NHSL1: variants seen among roughly 807,000 people sequenced by gnomAD.
NHSL1 encodes NHS-like protein 1.
In NHSL1, 48 loss-of-function variants were observed where a neutral mutation model predicts 95.0. The ratio of observed to expected loss-of-function variants is 0.51; its 90% CI spans 0.40 to 0.64. The LOEUF is 0.64. NHSL1 is among the 30% of genes least tolerant of loss of function. The probability of loss-of-function intolerance (pLI) is 0.00; values close to 1 mark genes in which losing one functional copy is unlikely to be tolerated. For missense variants in NHSL1, 1,971 were observed against 2,077.7 expected (o/e 0.95, Z 1.00); for synonymous variants, 783 against 833.9 (o/e 0.94, Z 1.05).
intron 2 of NHSL1, among the ~76,000 whole-genome samples, chr6:138,486,751 T>C (rs1268273386): frequency 6.6e-6 from 1 of 152,240 alleles, no homozygotes. Flanking sequence ...TCCCAGTCAC[T>C]GGACTGTGTG....
rs746498133 is a variant in NHSL1 at position 138,473,312 on chromosome 6, A to T, written c.333T>A (p.Asp111Glu). ...GTTGAACTTTGAAGCTTACCTTTTG[A>T]TCTGTTTCTTCATCTTCATCTTGGT... ...DDYQDEDEET[D>E]QKCSLSSSEE... The change falls in exon 3 of 8, where the codon GAT becomes GAA. Residue 111 changes from aspartate (D) to glutamate (E), a missense_variant. Around this residue, in one of 3 missense-constraint regions of NHSL1, gnomAD observed 1,602 missense variants for 1,654.5 expected, o/e 0.97. Coordinates refer to ENST00000343505, the MANE Select transcript of NHSL1 (RefSeq NM_001144060.2). The T allele has an allele frequency of 1.5e-4, 228 of 1,541,484 alleles. No homozygotes were observed. Among genetic ancestry groups the T allele is most frequent in the Non-Finnish European group, 1.9e-4 (222 of 1,143,334 alleles).
At chr6:138,565,009 G>T (rs964699494) in intron 1 of NHSL1, among the ~76,000 whole-genome samples, 1 of 152,166 alleles carries the variant, frequency 6.6e-6, no homozygotes, top group Non-Finnish European at 1.5e-5. Flanking sequence ...GACGGAGGCA[G>T]ATCCCGTAAA....
intron 1 of NHSL1, among the ~76,000 whole-genome samples, chr6:138,513,837 T>G (rs141856287): frequency 7.2e-5 from 11 of 152,320 alleles, no homozygotes; most frequent in African/African-American, 2.6e-4. Context: ...AATGACTAAT[T>G]TGTTTAATCT....
At position 138,432,294 on chromosome 6, in the gene NHSL1, A is replaced by G; in HGVS notation, c.2051T>C (p.Ile684Thr). 2 of 1,551,346 alleles carry G rather than the reference A, an allele frequency of 1.3e-6. No homozygotes were observed. The highest frequency in any genetic ancestry group is 1.7e-6 in the Non-Finnish European group (2 of 1,146,882). ...GTTGCACTGGCTGCTCTTCTTGGGA[A>G]TCCTGCGGAGGGAGTCTGTCCGGGA... The part of the protein sequence containing the change: ...PPSRTDSLRR[I>T]PKKSSQCNGQ... The change falls in exon 6 of 8, where the codon ATT becomes ACT. Residue 684 changes from isoleucine (I) to threonine (T), a missense_variant. This residue lies in a region of NHSL1 where 1,602 missense variants were observed against 1,654.5 expected (regional missense o/e 0.97). Coordinates refer to ENST00000343505, the MANE Select transcript of NHSL1 (RefSeq NM_001144060.2). This position sits in a 1 kb window ranked among gnomAD's most constrained non-coding sequence, Gnocchi z 4.4.
At chr6:138,638,777 C>A (rs934656378) in intron 1 of NHSL1, among the ~76,000 whole-genome samples, 6 of 152,172 alleles carry the variant, frequency 3.9e-5, no homozygotes, top group Non-Finnish European at 7.3e-5. Context: ...GTCTTCCCAG[C>A]CACTATGGAT....
intron 1 of NHSL1, among the ~76,000 whole-genome samples, chr6:138,635,950 TAAAA>T (rs930630887): frequency 2.1e-5 from 2 of 94,384 alleles, no homozygotes; most frequent in Non-Finnish European, 2.1e-5. Flanking sequence ...CCGTCTCTAC[TAAAA>T]AAAAAAAAAA....
chr6:138,533,430 C>A (rs911179532), intron 1 of NHSL1, among the ~76,000 whole-genome samples: 1 of 152,036 alleles, frequency 6.6e-6, no homozygotes, highest in South Asian at 2.1e-4. Flanking sequence ...GGCCTGTAAT[C>A]CCAGCTACTC....
chr6:138,593,684 T>C (rs1269180285), intron 1 of NHSL1, among the ~76,000 whole-genome samples: 1 of 152,220 alleles, frequency 6.6e-6, no homozygotes, highest in Non-Finnish European at 1.5e-5. Context: ...TCATGCACAT[T>C]ATATTTCATG....
chr6:138,592,427 C>T (rs1456726104), intron 1 of NHSL1, among the ~76,000 whole-genome samples: 6 of 151,988 alleles, frequency 3.9e-5, no homozygotes, highest in Non-Finnish European at 5.9e-5. Context: ...GGGGAAACCC[C>T]GTCTCTACTA....
intron 1 of NHSL1, among the ~76,000 whole-genome samples, chr6:138,679,759 G>A (rs890020339): frequency 7.2e-5 from 11 of 152,158 alleles, no homozygotes; most frequent in South Asian, 4.1e-4. Context: ...AATGCCTCTC[G>A]TTTTTAAAAC....
At chr6:138,546,445 A>C (rs1243633727), upstream of NHSL1, among the ~76,000 whole-genome samples, 22 of 148,302 alleles carry the variant, frequency 1.5e-4, no homozygotes, top group Admixed American at 1.2e-3. Flanking sequence ...AAAAAAAAAA[A>C]AAAAAAAAAA....
intron 3 of NHSL1, among the ~76,000 whole-genome samples, chr6:138,455,685 G>A (rs942128703): frequency 1.2e-4 from 19 of 152,316 alleles, no homozygotes; most frequent in Admixed American, 8.5e-4. Flanking sequence ...TCATGGGGCT[G>A]TTTGTGGAAA....
intron 1 of NHSL1, among the ~76,000 whole-genome samples, chr6:138,569,040 C>G (rs1214187965): frequency 6.6e-6 from 1 of 152,130 alleles, no homozygotes; most frequent in African/African-American, 2.4e-5. Flanking sequence ...GCTAATGGTG[C>G]AAAGCATACC....
At chr6:138,597,065 G>C (rs1214604695) in intron 1 of NHSL1, among the ~76,000 whole-genome samples, 1 of 152,142 alleles carries the variant, frequency 6.6e-6, no homozygotes, top group Admixed American at 6.6e-5. Context: ...GGAGGCTGAG[G>C]CAGGAGAATC....
At chr6:138,691,546 C>T (rs762273124) in intron 1 of NHSL1, among the ~76,000 whole-genome samples, 26 of 152,124 alleles carry the variant, frequency 1.7e-4, no homozygotes, top group Non-Finnish European at 1.0e-4. Context: ...GAAATCTAGG[C>T]GTGTGTTACA....
intron 1 of NHSL1, among the ~76,000 whole-genome samples, chr6:138,655,533 C>T (rs1407365105): frequency 6.6e-6 from 1 of 152,264 alleles, no homozygotes; most frequent in African/African-American, 2.4e-5. Context: ...AAATAGACAC[C>T]TAACTTGGCA....
At chr6:138,545,640 C>T (rs1178881556) in exon 1 of NHSL1, 1 of 1,289,266 alleles carries the variant, frequency 7.8e-7, no homozygotes, top group African/African-American at 1.5e-5. Context: ...ACAGAACATT[C>T]TGCAGCAGTT....
At chr6:138,692,858 G>T (rs1359377036), upstream of NHSL1, among the ~76,000 whole-genome samples, 2 of 151,104 alleles carry the variant, frequency 1.3e-5, no homozygotes, top group Non-Finnish European at 3.0e-5. This position sits in a 1 kb window ranked among gnomAD's most constrained non-coding sequence, Gnocchi z 4.0. Context: ...GTCCCGGGCA[G>T]CGGCGGGGCG....
At chr6:138,606,702 C>CTTTTTTTTTTTTTTTTTTT (rs777156294) in intron 1 of NHSL1, among the ~76,000 whole-genome samples, 1 of 123,414 alleles carries the variant, frequency 8.1e-6, no homozygotes, top group African/African-American at 3.1e-5. Context: ...TTCTTTCTTT[C>CTTTTTTTTTTTTTTTTTTT]TTTTTTTTTT....
Sources: allele counts gnomAD v4.1 joint callset (sites outside exome capture counted in the v4.1 genomes callset), GRCh38; gene constraint gnomAD v4.1.1; regional missense constraint gnomAD v4.1.1; non-coding constraint Gnocchi (gnomAD v3.1); transcripts MANE v1.5; gene names NCBI Gene and HGNC (gene_info 2026-07-23, HGNC 2026-07-21).